The following HLA-F variants were observed in gnomAD, a reference collection of about 807,000 sequenced individuals.
The protein encoded by HLA-F is HLA class I histocompatibility antigen, alpha chain F.
In HLA-F, 46 loss-of-function variants were observed where a neutral mutation model predicts 49.5. That is an observed-to-expected ratio of 0.93 (90% CI 0.73 to 1.19). The LOEUF is 1.19. Among genes scored for constraint, HLA-F ranks in the 50% most tolerant of loss-of-function variants. The pLI, the probability that HLA-F is intolerant of heterozygous loss-of-function variation, is 0.00. For synonymous variants in HLA-F, 203 were observed against 233.5 expected (o/e 0.87, Z 1.19); for missense variants, 496 against 579.6 (o/e 0.86, Z 1.48).
chr6:29,733,972 A>C (rs1776839525), intron 3 of HLA-F, among the ~76,000 whole-genome samples: 1 of 152,198 alleles, frequency 6.6e-6, no homozygotes, highest in Non-Finnish European at 1.5e-5. Context: ...AGAACATAAA[A>C]TCTTCATTTG....
chr6:29,733,467 A>G lies in HLA-F; in HGVS notation c.404-4655A>G, dbSNP rs754344328. Among the ~76,000 whole-genome samples, 75 of 152,350 alleles carry G rather than the reference A, an allele frequency of 4.9e-4. 1 individual carries two copies. Among genetic ancestry groups the G allele is most frequent in the South Asian group, 2.1e-4 (1 of 4,828 alleles). ...AAAATAAAGCATTTGAAGTAAAATA[A>G]CAATGAAAAGTGGCTGAGTGCACAC... is the stretch of plus-strand genomic sequence containing the variant. On this transcript the variant is annotated intron_variant, in intron 3 of 4. Transcript: ENST00000465459.
downstream of HLA-F, among the ~76,000 whole-genome samples, chr6:29,727,694 C>A (rs1296830200): frequency 6.6e-6 from 1 of 152,172 alleles, no homozygotes; most frequent in Non-Finnish European, 1.5e-5. Flanking sequence ...CTCTTTCTGA[C>A]CCCATACAGC....
intron 3 of HLA-F, among the ~76,000 whole-genome samples, chr6:29,737,602 G>T (rs1003531518): frequency 2.0e-5 from 3 of 152,132 alleles, no homozygotes; most frequent in Admixed American, 1.3e-4. Flanking sequence ...ATGGTTAAAG[G>T]GTGTTTACTT....
At chr6:29,727,985 A>G (rs1185798257), downstream of HLA-F, 1 of 518,874 alleles carries the variant, frequency 1.9e-6, no homozygotes, top group Non-Finnish European at 3.8e-6. Context: ...TCTACCTCTC[A>G]AACAAGTATT....
downstream of HLA-F, among the ~76,000 whole-genome samples, chr6:29,730,205 C>T (rs1485833514): frequency 6.6e-6 from 1 of 152,176 alleles, no homozygotes; most frequent in Non-Finnish European, 1.5e-5. Flanking sequence ...CCATGGTGCA[C>T]ATAGCATGGA....
Position 29,724,175 on chromosome 6 carries a change from TCTCA to T in HLA-F, c.339_342del (p.His114ProfsTer5). On this transcript the variant is annotated frameshift_variant, in exon 3 of 7. Transcript: ENST00000259951. LOFTEE classifies it high-confidence loss of function. ...GGCTGACTGCGGGGACCGGCTAGGG[TCTCA>T]CACCCTCCAGGGAATGAATGGCTGC... 1.9e-6 allele frequency: 3 copies of T among 1,612,366 alleles called. No individual in the cohort carries two copies. The highest frequency in any genetic ancestry group is 2.7e-5 in the African/African-American group (2 of 74,920).
At chr6:29,724,027 G>T in intron 2 of HLA-F, 100 bp downstream of exon 2, 1 of 1,547,878 alleles carries the variant, frequency 6.5e-7, no homozygotes, top group Non-Finnish European at 8.7e-7. Context: ...CTACCCCGAG[G>T]CAGCGGGACC....
intron 3 of HLA-F, among the ~76,000 whole-genome samples, chr6:29,737,570 G>T (rs1431876902): frequency 6.6e-6 from 1 of 152,156 alleles, no homozygotes; most frequent in Admixed American, 6.5e-5. Flanking sequence ...TAGGTCAGCT[G>T]CCAAACTTCT....
intron 3 of HLA-F, chr6:29,735,206 CAT>C (rs1220971514): frequency 3.8e-4 from 52 of 136,906 alleles, no homozygotes; most frequent in Middle Eastern, 4.0e-3. Flanking sequence ...CACACACACA[CAT>C]ATAAACACCA....
At chr6:29,726,565 G>GTA in intron 6 of HLA-F, 4 of 1,369,880 alleles carry the variant, frequency 2.9e-6, no homozygotes, top group Non-Finnish European at 3.9e-6. Flanking sequence ...GTAAATGTGT[G>GTA]TGTGTGTGTG....
downstream of HLA-F, chr6:29,728,152 C>T (rs754614684): frequency 2.0e-6 from 1 of 499,920 alleles, no homozygotes. Flanking sequence ...GCCCAATCAC[C>T]CACATAACAG....
In HLA-F at chr6:29,725,130, C is replaced by T. The variant is rs78154236; in HGVS notation, c.710C>T (p.Thr237Ile). The change falls in exon 4 of 7, where the codon ACC (threonine) becomes ATC (isoleucine). Residue 237 changes from threonine to isoleucine, a missense_variant. Coordinates refer to ENST00000259951, the MANE Select transcript of HLA-F (RefSeq NM_001098479.2). ...LGFYPAEITL[T>I]WQRDGEEQTQ... The stretch of plus-strand genomic sequence containing the variant: ...TTCTACCCTGCGGAGATCACGCTGA[C>T]CTGGCAGCGGGATGGGGAGGAACAG... 2.3e-4 allele frequency: 366 copies of T among 1,614,100 alleles called. 3 individuals are homozygous for T. The African/African-American group carries it at 4.1e-3, about 18-fold the overall frequency.
rs371435287 is a variant in HLA-F at position 29,725,586 on chromosome 6, G to T, written c.1003+23G>T. ...CAGGTAGGAAGGGGTGAGGAGTGGA[G>T]TCTGAGTTTTCTTGTCCCACTGGGG... On this transcript the variant is annotated intron_variant, in intron 5 of 6. Transcript: ENST00000259951. The T allele has an allele frequency of 4.2e-5, 67 of 1,599,518 alleles. No homozygotes were observed. In the African/African-American group the frequency reaches 7.9e-4, roughly 19 times the overall value.
Position 29,727,090 on chromosome 6 carries a change from G to A in HLA-F, c.1244G>A (p.Gly415Asp), listed in dbSNP as rs1190898667. 6.2e-7 allele frequency: 1 copy of A among 1,613,048 alleles called. No individual in the cohort carries two copies. The change falls in exon 7 of 7, where the codon GGC (glycine) becomes GAC (aspartate). Residue 415 changes from glycine to aspartate, a missense_variant. Physicochemically the swap from Gly to Asp is moderately conservative, Grantham distance 94. Coordinates refer to ENST00000259951, the MANE Select transcript of HLA-F (RefSeq NM_001098479.2). Reference protein sequence around the residue: ...AFLALQSLRFGFGFRRGRSFL... With the variant: ...AFLALQSLRFDFGFRRGRSFL... The stretch of plus-strand genomic sequence containing the variant: ...TTGGCCTTGCAAAGCCTTCGCTTTG[G>A]CTTCGGCTTTAGGAGGGGCAGGAGC...
At chr6:29,735,605 T>A (rs1777016295) in intron 3 of HLA-F, 1 of 152,000 alleles carries the variant, frequency 6.6e-6, no homozygotes, top group African/African-American at 2.4e-5. Flanking sequence ...GTCATTGGCT[T>A]TTGACAGGTT....
Position 29,727,087 on chromosome 6 carries a change from T to G in HLA-F, c.1241T>G (p.Phe414Cys), listed in dbSNP as rs1463966811. The change falls in exon 7 of 7, where the codon TTT becomes TGT. Residue 414 changes from phenylalanine to cysteine, a missense_variant. Phe to Cys is a radical substitution (Grantham distance 205). Coordinates refer to ENST00000259951, the MANE Select transcript of HLA-F (RefSeq NM_001098479.2). ...TTCTTGGCCTTGCAAAGCCTTCGCTTTGGCTTCGGCTTTAGGAGGGGCAGG... is the reference window on the plus strand; with the variant it reads ...TTCTTGGCCTTGCAAAGCCTTCGCTGTGGCTTCGGCTTTAGGAGGGGCAGG... ...TAFLALQSLR[F>C]GFGFRRGRSF... The G allele has an allele frequency of 6.2e-7, 1 of 1,613,144 alleles. No individual in the cohort carries two copies. The highest frequency in any genetic ancestry group is 8.5e-7 in the Non-Finnish European group (1 of 1,179,998).
chr6:29,724,977 G>T, intron 3 of HLA-F, 54 bp from the exon 4 acceptor site: 1 of 1,581,802 alleles, frequency 6.3e-7, no homozygotes, highest in Non-Finnish European at 8.6e-7. Flanking sequence ...CATGGGTGCT[G>T]CTGGGGTTTC....
intron 6 of HLA-F, 73 bp downstream of exon 6, chr6:29,726,116 C>A (rs1213969151): frequency 2.2e-6 from 3 of 1,388,764 alleles, no homozygotes; most frequent in African/African-American, 2.8e-5. Context: ...AGCTCACCCA[C>A]CCCACAGTTC....
Position 29,724,387 on chromosome 6 carries a change from C to T in HLA-F, c.549C>T (p.Gly183=), listed in dbSNP as rs773212509. 20 of 1,613,108 alleles carry T rather than the reference C, an allele frequency of 1.2e-5. No homozygotes were observed. In the Admixed American group the frequency reaches 2.7e-4, roughly 22 times the overall value. The part of the protein sequence containing the change: ...YAEEFRTYLE[G]ECLELLRRYL... Reference sequence around the variant, plus strand: ...AGGAGTTCAGGACCTACCTGGAGGGCGAGTGCCTGGAGTTGCTCCGCAGAT... The same window carrying T: ...AGGAGTTCAGGACCTACCTGGAGGGTGAGTGCCTGGAGTTGCTCCGCAGAT... Residue 183 remains glycine (G), a synonymous_variant, in exon 3 of 7, where the codon GGC becomes GGT. Coordinates refer to ENST00000259951, the MANE Select transcript of HLA-F (RefSeq NM_001098479.2).
Sources: allele counts gnomAD v4.1 joint callset (sites outside exome capture counted in the v4.1 genomes callset), GRCh38; gene constraint gnomAD v4.1.1; transcripts MANE v1.5; gene names NCBI Gene and HGNC (gene_info 2026-07-23, HGNC 2026-07-21).